Variants in PUM1 observed in about 807,000 individuals in gnomAD.
The protein encoded by PUM1 is pumilio RNA binding family member 1, also known as pumilio homolog 1.
In PUM1, 13 loss-of-function variants were observed where a neutral mutation model predicts 131.8. The observed-to-expected ratio is 0.10, with a 90% CI of 0.06 to 0.16. The LOEUF (loss-of-function observed/expected upper bound fraction) is 0.16. PUM1 is among the 10% of genes least tolerant of loss of function. The pLI is 1.00. For missense variants in PUM1, 961 were observed against 1,512.4 expected (o/e 0.64, Z 6.05); for synonymous variants, 509 against 556.5 (o/e 0.91, Z 1.20).
chr1:31,038,625 G>A lies in PUM1; in HGVS notation c.364-9761C>T, dbSNP rs145101535. Among the ~76,000 whole-genome samples the A allele has an allele frequency of 6.9e-4, 105 of 152,252 alleles. 1 individual carries two copies. The highest frequency in any genetic ancestry group is 5.8e-4 in the East Asian group (3 of 5,182). On this transcript the variant is annotated intron_variant, in intron 2 of 21. Transcript: ENST00000426105. Reference sequence around the variant, plus strand: ...CCTTAGTCATACAAGTGGTGAAATAGTACTGCTAGAGCTAGGTTCTTTAAG... The same window carrying A: ...CCTTAGTCATACAAGTGGTGAAATAATACTGCTAGAGCTAGGTTCTTTAAG...
chr1:30,948,630 A>G (rs918956784), intron 17 of PUM1, among the ~76,000 whole-genome samples: 5 of 152,144 alleles, frequency 3.3e-5, no homozygotes, highest in Non-Finnish European at 5.9e-5. Flanking sequence ...GTATGCCTGT[A>G]GTTCCAGCTA....
chr1:30,970,851 AAAG>A (rs1284707879), intron 10 of PUM1, among the ~76,000 whole-genome samples: 1 of 152,190 alleles, frequency 6.6e-6, no homozygotes, highest in African/African-American at 2.4e-5. Flanking sequence ...CACAGAATAT[AAAG>A]AAGTAGGTTT....
At chr1:30,957,087 T>TATACACACAC (rs1553145748) in intron 14 of PUM1, among the ~76,000 whole-genome samples, 3 of 139,904 alleles carry the variant, frequency 2.1e-5, no homozygotes, top group East Asian at 2.0e-4. Flanking sequence ...AGGACATTCA[T>TATACACACAC]ACACACACAC....
chr1:31,050,910 A>T, intron 2 of PUM1: 1 of 256,918 alleles, frequency 3.9e-6, no homozygotes, highest in South Asian at 4.4e-5. Context: ...ACTCGCAAAA[A>T]TTCAGCCAGG....
intron 2 of PUM1, among the ~76,000 whole-genome samples, chr1:31,054,161 T>C (rs1252302609): frequency 7.2e-6 from 1 of 138,230 alleles, no homozygotes; most frequent in Non-Finnish European, 1.6e-5. Context: ...ACTCCACCTC[T>C]ACAAAAAATA....
At chr1:30,940,509 T>A (rs1243666112) in intron 20 of PUM1, among the ~76,000 whole-genome samples, 1 of 152,140 alleles carries the variant, frequency 6.6e-6, no homozygotes, top group Non-Finnish European at 1.5e-5. Flanking sequence ...ATCAAGGTTG[T>A]ATGAGTCCTG....
intron 10 of PUM1, among the ~76,000 whole-genome samples, chr1:30,968,962 A>G (rs1200225039): frequency 1.3e-5 from 2 of 152,148 alleles, no homozygotes; most frequent in Non-Finnish European, 2.9e-5. Flanking sequence ...ACAATAAACC[A>G]TACTATATAA....
At position 30,971,932 on chromosome 1, in the gene PUM1, A is replaced by AT. The variant is rs370843586; in HGVS notation, c.1506+2718dup. 2.7e-4 allele frequency among the ~76,000 whole-genome samples: 41 copies of AT among 152,114 alleles called. 1 individual carries two copies. The highest frequency in any genetic ancestry group is 5.2e-4 in the Admixed American group (8 of 15,286). On this transcript the variant is annotated intron_variant, in intron 10 of 21. Coordinates refer to ENST00000426105, the MANE Select transcript of PUM1 (RefSeq NM_001020658.2). The stretch of plus-strand genomic sequence containing the variant: ...AACAAAAAGATGATCACACAAATAA[A>AT]TACAGACTTATCCACAAAGAGCAGT...
chr1:30,969,304 A>G (rs1455475186), intron 10 of PUM1, among the ~76,000 whole-genome samples: 1 of 146,274 alleles, frequency 6.8e-6, no homozygotes, highest in African/African-American at 2.5e-5. Context: ...ACTCCATTTC[A>G]AAACACACAC....
chr1:30,975,738 C>T (rs1300564481), intron 9 of PUM1, among the ~76,000 whole-genome samples: 1 of 151,818 alleles, frequency 6.6e-6, no homozygotes, highest in Non-Finnish European at 1.5e-5. Flanking sequence ...TTTAAGTCAA[C>T]GTTGAACACA....
chr1:31,017,996 G>A (rs1021293257), intron 3 of PUM1, among the ~76,000 whole-genome samples: 5 of 152,164 alleles, frequency 3.3e-5, no homozygotes, highest in Admixed American at 3.3e-4. Flanking sequence ...GTAGGGGCAA[G>A]GACAAAATTG....
At chr1:31,043,715 T>A (rs1262769659) in intron 2 of PUM1, among the ~76,000 whole-genome samples, 1 of 152,176 alleles carries the variant, frequency 6.6e-6, no homozygotes, top group African/African-American at 2.4e-5. Flanking sequence ...TAAGCACTCC[T>A]CTTCCCGGGT....
At chr1:31,026,716 T>G (rs1643234943) in intron 3 of PUM1, among the ~76,000 whole-genome samples, 2 of 152,230 alleles carry the variant, frequency 1.3e-5, no homozygotes, top group African/African-American at 4.8e-5. Context: ...TCATCTCTCT[T>G]GGCCTTTTTC....
At chr1:31,045,102 T>A (rs1643920209) in intron 2 of PUM1, among the ~76,000 whole-genome samples, 1 of 150,244 alleles carries the variant, frequency 6.7e-6, no homozygotes. Flanking sequence ...CCAGCTGGAA[T>A]TATACACTTT....
At chr1:31,038,157 C>T (rs7537241) in intron 2 of PUM1, among the ~76,000 whole-genome samples, 101,084 of 150,852 alleles carry the variant, frequency 0.67, 34,799 homozygotes, top group East Asian at 0.87. Flanking sequence ...TGGGTGGATA[C>T]CTTTTATTAC....
chr1:31,040,863 A>ACG (rs1643792469), intron 2 of PUM1, among the ~76,000 whole-genome samples: 2 of 152,310 alleles, frequency 1.3e-5, no homozygotes, highest in African/African-American at 4.8e-5. Flanking sequence ...AGGAAAGAAA[A>ACG]CGCACACACA....
intron 9 of PUM1, 105 bp downstream of exon 9, chr1:30,979,957 T>C (rs762643562): frequency 5.6e-5 from 42 of 743,396 alleles, no homozygotes; most frequent in Middle Eastern, 4.0e-4. Context: ...ATCTGGATAA[T>C]CTCCACTGGA....
intron 14 of PUM1, among the ~76,000 whole-genome samples, chr1:30,961,539 G>C (rs918270859): frequency 6.6e-6 from 1 of 151,640 alleles, no homozygotes; most frequent in South Asian, 2.1e-4. Context: ...ATAAAAACGG[G>C]GGGGAATAGA....
intron 20 of PUM1, among the ~76,000 whole-genome samples, chr1:30,937,211 G>C (rs1351659345): frequency 6.6e-6 from 1 of 152,084 alleles, no homozygotes; most frequent in Non-Finnish European, 1.5e-5. Context: ...GGTAGGTGAG[G>C]AGACTTAAGC....
Sources: allele counts gnomAD v4.1 joint callset (sites outside exome capture counted in the v4.1 genomes callset), GRCh38; gene constraint gnomAD v4.1.1; transcripts MANE v1.5; gene names NCBI Gene and HGNC (gene_info 2026-07-23, HGNC 2026-07-21).